The following FAM47E variants were observed in gnomAD, a reference collection of about 807,000 sequenced individuals.
FAM47E encodes protein FAM47E.
Under a neutral mutation model 41.6 loss-of-function variants are expected in FAM47E, and 32 were observed. The ratio of observed to expected loss-of-function variants is 0.77; its 90% CI spans 0.58 to 1.03. The LOEUF (loss-of-function observed/expected upper bound fraction) is 1.03. FAM47E is among the 50% of genes least tolerant of loss of function. FAM47E has a pLI of 0.00. For missense variants in FAM47E, 424 were observed against 485.4 expected (o/e 0.87, Z 1.19); for synonymous variants, 184 against 188.7 (o/e 0.98, Z 0.20).
At chr4:76,218,540 C>G (rs1733254596) in intron 2 of FAM47E, among the ~76,000 whole-genome samples, 1 of 152,198 alleles carries the variant, frequency 6.6e-6, no homozygotes, top group South Asian at 2.1e-4. Context: ...TCCTCATTAT[C>G]ATCTTTGCAC....
chr4:76,256,203 C>T lies in FAM47E; in HGVS notation c.100C>T (p.Leu34=). The T allele has an allele frequency of 1.3e-6, 2 of 1,551,582 alleles. No homozygotes were observed. Among genetic ancestry groups the T allele is most frequent in the Admixed American group, 3.9e-5 (2 of 50,990 alleles). The change falls in exon 2 of 8, where the codon CTG becomes TTG. Residue 34 remains leucine, a synonymous_variant. Coordinates refer to ENST00000424749, the MANE Select transcript of FAM47E (RefSeq NM_001136570.3). ...SRCFTKHKNG[L]KFPTSLHSRQ... is the part of the protein sequence containing the mutation. Reference sequence around the variant, plus strand: ...ATGTTTCACAAAGCACAAGAACGGGCTGAAGTTCCCCACCTCTCTGCACAG... The same window carrying T: ...ATGTTTCACAAAGCACAAGAACGGGTTGAAGTTCCCCACCTCTCTGCACAG...
intron 4 of FAM47E, among the ~76,000 whole-genome samples, chr4:76,270,019 A>C (rs1250877785): frequency 1.3e-5 from 2 of 152,192 alleles, no homozygotes; most frequent in African/African-American, 4.8e-5. Flanking sequence ...TACTTTAAAC[A>C]TCAAGCTACT....
At chr4:76,251,692 A>G, upstream of FAM47E, 4 of 1,407,024 alleles carry the variant, frequency 2.8e-6, no homozygotes, top group Admixed American at 3.2e-5. Context: ...ACGGGGCGGC[A>G]GCAGGGCACA....
chr4:76,276,692 A>T (rs28698332), intron 5 of FAM47E, among the ~76,000 whole-genome samples: 1 of 152,092 alleles, frequency 6.6e-6, no homozygotes, highest in African/African-American at 2.4e-5. Context: ...CACTGAAAAG[A>T]TGACATGAAA....
At chr4:76,278,778 A>G (rs1735232136) in intron 6 of FAM47E, 1 of 152,822 alleles carries the variant, frequency 6.5e-6, no homozygotes, top group Non-Finnish European at 1.5e-5. Context: ...TAATTTTACT[A>G]CAGATAAACC....
At chr4:76,215,069 C>T (rs1338625038) in intron 1 of FAM47E, among the ~76,000 whole-genome samples, 1 of 152,272 alleles carries the variant, frequency 6.6e-6, no homozygotes, top group Non-Finnish European at 1.5e-5. Context: ...GCCTTAGTAT[C>T]CCTGCTGTGC....
At chr4:76,246,884 C>T (rs1483375665), upstream of FAM47E, among the ~76,000 whole-genome samples, 6 of 152,064 alleles carry the variant, frequency 3.9e-5, no homozygotes, top group African/African-American at 9.7e-5. Flanking sequence ...ATTCTTAGCT[C>T]ATTAATTTTC....
intron 2 of FAM47E, among the ~76,000 whole-genome samples, chr4:76,261,442 A>T (rs1428461495): frequency 6.6e-6 from 1 of 152,186 alleles, no homozygotes; most frequent in African/African-American, 2.4e-5. Context: ...TCAATGATGG[A>T]TTGGGTAAAG....
intron 2 of FAM47E, among the ~76,000 whole-genome samples, chr4:76,262,319 G>T (rs564442192): frequency 1.8e-4 from 28 of 152,140 alleles, no homozygotes; most frequent in Non-Finnish European, 2.8e-4. Context: ...GATCATAAAT[G>T]CCTGCCAGTT....
At chr4:76,257,778 C>T (rs1376003013) in intron 2 of FAM47E, among the ~76,000 whole-genome samples, 4 of 152,098 alleles carry the variant, frequency 2.6e-5, no homozygotes, top group Admixed American at 6.5e-5. Context: ...CTCACATCTA[C>T]TCCTTACTGT....
At chr4:76,226,167 C>T (rs1733394789) in intron 2 of FAM47E, among the ~76,000 whole-genome samples, 2 of 152,174 alleles carry the variant, frequency 1.3e-5, no homozygotes, top group African/African-American at 2.4e-5. Flanking sequence ...AGGGAGCCAA[C>T]GCTAGTATGG....
At chr4:76,271,845 A>G (rs2110020387) in intron 5 of FAM47E, 77 bp downstream of exon 5, 2 of 1,464,688 alleles carry the variant, frequency 1.4e-6, no homozygotes, top group Non-Finnish European at 1.8e-6. Flanking sequence ...TTGAATTCTG[A>G]TGTGTCATGG....
At chr4:76,234,087 C>G (rs12331583) in intron 2 of FAM47E, among the ~76,000 whole-genome samples, 24,045 of 152,190 alleles carry the variant, frequency 0.16, 1,977 homozygotes, top group African/African-American at 0.21. Context: ...CAGCCAGCTG[C>G]CCGCGGCACC....
intron 3 of FAM47E, among the ~76,000 whole-genome samples, chr4:76,267,273 G>A (rs564770828): frequency 6.6e-6 from 1 of 152,224 alleles, no homozygotes; most frequent in South Asian, 2.1e-4. Context: ...AGCTTCAGGG[G>A]ACAGCTTGTG....
chr4:76,281,130 CTG>C (rs1385782678), intron 7 of FAM47E: 2 of 152,250 alleles, frequency 1.3e-5, no homozygotes, highest in African/African-American at 4.8e-5. Flanking sequence ...CCACTGTCCT[CTG>C]TGTGCACGTA....
At chr4:76,235,324 T>A (rs898579200) in intron 2 of FAM47E, among the ~76,000 whole-genome samples, 5 of 151,962 alleles carry the variant, frequency 3.3e-5, no homozygotes, top group South Asian at 2.1e-4. Context: ...TCTCAAAAAA[T>A]AAATAAATAA....
chr4:76,253,966 T>A (rs58990415), intron 1 of FAM47E, among the ~76,000 whole-genome samples: 3,183 of 151,458 alleles, frequency 0.021, 142 homozygotes, highest in African/African-American at 0.073. Context: ...AAAAGCAATT[T>A]AAAAATTTAG....
rs1165230183 is a variant in FAM47E at position 76,229,463 on chromosome 4, GGGTAGACTGTTTCAGT to G, written c.81+11778_81+11793del. Among the ~76,000 whole-genome samples the G allele has an allele frequency of 5.9e-5, 9 of 152,254 alleles. No individual in the cohort carries two copies. The East Asian group carries it at 1.7e-3, about 29-fold the overall frequency. ...TTACTTTTCTGATTCCTTCTCATTT[GGGTAGACTGTTTCAGT>G]GGAAAAAGCTGGAACTCAAGGCCGC... On this transcript the variant is annotated intron_variant, in intron 2 of 7. Transcript: ENST00000510197.
At chr4:76,272,406 G>C (rs752525104) in intron 5 of FAM47E, among the ~76,000 whole-genome samples, 57 of 152,116 alleles carry the variant, frequency 3.7e-4, no homozygotes, top group Non-Finnish European at 3.4e-4. Context: ...AAGTTGGAGG[G>C]GAGAGCCCTT....
Sources: allele counts gnomAD v4.1 joint callset (sites outside exome capture counted in the v4.1 genomes callset), GRCh38; gene constraint gnomAD v4.1.1; transcripts MANE v1.5; gene names NCBI Gene and HGNC (gene_info 2026-07-23, HGNC 2026-07-21).